The following FHDC1 variants were observed in gnomAD, a reference collection of about 807,000 sequenced individuals.
FHDC1 encodes the protein FH2 domain-containing protein 1.
A neutral mutation model predicts 52.6 loss-of-function variants in FHDC1; 25 were observed. The ratio of observed to expected loss-of-function variants is 0.48; its 90% CI spans 0.35 to 0.66. The LOEUF is 0.66. FHDC1 is among the 30% of genes least tolerant of loss of function. FHDC1 has a pLI of 0.01. For missense variants in FHDC1, 1,459 were observed against 1,452.8 expected, an observed-to-expected ratio of 1.00 and a Z score of -0.07; for synonymous variants, 616 against 581.5, an observed-to-expected ratio of 1.06 and a Z score of -0.85.
At position 152,975,331 on chromosome 4, in the gene FHDC1, C is replaced by G; in HGVS notation, c.2040C>G (p.Ala680=). The G allele has an allele frequency of 2.5e-6, 4 of 1,613,664 alleles. No homozygotes were observed. Among genetic ancestry groups the G allele is most frequent in the Non-Finnish European group, 3.4e-6 (4 of 1,180,034 alleles). The change falls in exon 12 of 12, where the codon GCC becomes GCG. Residue 680 remains alanine (A), a synonymous_variant. Transcript: ENST00000511601. ...AGCATGAGCTGGTGACAGGGCTGGCCCAGTTCAACCTCCAGGGTTCCCAGG... is the reference window on the plus strand; with the variant it reads ...AGCATGAGCTGGTGACAGGGCTGGCGCAGTTCAACCTCCAGGGTTCCCAGG... ...IKEHELVTGL[A]QFNLQGSQGM...
rs890664249 is a variant in FHDC1 at position 152,978,485 on chromosome 4, T to C, written c.*1762T>C. ...AAGCATGAAATTGCTTTCAGAAGAA[T>C]GTATATCATCGGGAAAAGTTCGGGG... On this transcript the variant is annotated 3_prime_UTR_variant, in exon 12 of 12. Coordinates refer to ENST00000511601, the MANE Select transcript of FHDC1 (RefSeq NM_001371116.1). 7.2e-5 allele frequency: 11 copies of C among 152,152 alleles called. No individual in the cohort carries two copies. Among genetic ancestry groups the C allele is most frequent in the African/African-American group, 2.2e-4 (9 of 41,422 alleles). 9.4% of individuals were successfully genotyped at this position (152,152 alleles called of 1,614,324 possible). A position where few individuals can be genotyped will look rare whatever the true frequency, so the allele number is the denominator to read the frequency against.
intron 2 of FHDC1, among the ~76,000 whole-genome samples, chr4:152,948,950 A>C (rs184668722): frequency 4.6e-5 from 7 of 151,964 alleles, no homozygotes; most frequent in Non-Finnish European, 8.8e-5. Context: ...TTAGCCAGAC[A>C]TGGTGGCTCG....
intron 2 of FHDC1, among the ~76,000 whole-genome samples, chr4:152,943,947 T>A (rs117628278): frequency 6.6e-6 from 1 of 152,354 alleles, no homozygotes; most frequent in East Asian, 1.9e-4. Context: ...TAGAGCTGAC[T>A]GGGGCAGACT....
chr4:152,940,480 C>T (rs1739545626), intron 1 of FHDC1, among the ~76,000 whole-genome samples: 1 of 152,214 alleles, frequency 6.6e-6, no homozygotes, highest in African/African-American at 2.4e-5. Flanking sequence ...GTGCAAAGCA[C>T]AGTACTAAAA....
chr4:152,953,944 T>C (rs1740002558), intron 3 of FHDC1, among the ~76,000 whole-genome samples: 1 of 152,220 alleles, frequency 6.6e-6, no homozygotes, highest in Non-Finnish European at 1.5e-5. Flanking sequence ...ATTATTTTTC[T>C]CACAACAAAA....
Position 152,976,684 on chromosome 4 carries a change from G to T in FHDC1, c.3393G>T (p.Arg1131=). Residue 1131 remains arginine (R), a synonymous_variant, in exon 12 of 12, where the codon CGG becomes CGT. Transcript: ENST00000511601. ...RASLRRKDSS[R]TTLGRILNPL... Reference sequence around the variant, plus strand: ...CCCTCCGTCGGAAGGACTCCAGTCGGACCACGCTGGGGAGAATCCTCAATC... The same window carrying T: ...CCCTCCGTCGGAAGGACTCCAGTCGTACCACGCTGGGGAGAATCCTCAATC... 1 of 1,534,638 alleles carries T rather than the reference G, an allele frequency of 6.5e-7. No homozygotes were observed. The highest frequency in any genetic ancestry group is 1.2e-5 in the South Asian group (1 of 81,138).
intron 11 of FHDC1, among the ~76,000 whole-genome samples, chr4:152,972,957 C>CG (rs1740685496): frequency 1.3e-5 from 2 of 152,322 alleles, no homozygotes; most frequent in Non-Finnish European, 2.9e-5. Flanking sequence ...GATGATGGAA[C>CG]GGCCCTCCCT....
intron 11 of FHDC1, among the ~76,000 whole-genome samples, 185 bp from the exon 12 acceptor site, chr4:152,974,490 A>G (rs1740774650): frequency 6.6e-6 from 1 of 152,004 alleles, no homozygotes; most frequent in African/African-American, 2.4e-5. Context: ...CCCTCTACAC[A>G]CACACACATG....
In FHDC1 at chr4:152,976,784, A is replaced by G; in HGVS notation, c.*61A>G. On this transcript the variant is annotated 3_prime_UTR_variant, in exon 12 of 12. Transcript: ENST00000511601. ...ACGGTGAAGACTGACTTCTGGGACG[A>G]GGATGGGGAAAGAGGCAGCATGTCT... The G allele has an allele frequency of 4.2e-6, 6 of 1,441,816 alleles. No individual in the cohort carries two copies. The highest frequency in any genetic ancestry group is 4.1e-4 in the Middle Eastern group (2 of 4,892). The allele number at this position is 1,441,816 out of a possible 1,614,324, so 89.3% of individuals were successfully genotyped here.
In FHDC1 at chr4:152,960,864, T is replaced by A; in HGVS notation, c.850+20T>A. On this transcript the variant is annotated intron_variant, in intron 6 of 11. Coordinates refer to ENST00000511601, the MANE Select transcript of FHDC1 (RefSeq NM_001371116.1). ...TAAAAGGTGAGTCAACATATGATCCTTCGCAGAATTTGTTTTTATTAATTT... is the reference window on the plus strand; with the variant it reads ...TAAAAGGTGAGTCAACATATGATCCATCGCAGAATTTGTTTTTATTAATTT... The A allele has an allele frequency of 6.6e-7, 1 of 1,517,878 alleles. No homozygotes were observed. Among genetic ancestry groups the A allele is most frequent in the Non-Finnish European group, 8.9e-7 (1 of 1,127,722 alleles). The allele number at this position is 1,517,878 out of a possible 1,614,324, so 94.0% of individuals were successfully genotyped here.
At chr4:152,915,048 TCTC>T in the FHDC1 span, among the ~76,000 whole-genome samples, 4 of 152,180 alleles carry the variant, frequency 2.6e-5, no homozygotes, top group African/African-American at 9.7e-5. Context: ...TTACTGTTAT[TCTC>T]CTCCTAAATG....
intron 10 of FHDC1, 121 bp from the exon 11 acceptor site, chr4:152,972,256 C>A: frequency 9.8e-7 from 1 of 1,018,572 alleles, no homozygotes; most frequent in Non-Finnish European, 1.4e-6. Context: ...AATAAACCTT[C>A]CTTTTCCAAG....
At position 152,976,554 on chromosome 4, in the gene FHDC1, G is replaced by A. The variant is rs374152732; in HGVS notation, c.3263G>A (p.Arg1088Gln). 11 of 1,612,720 alleles carry A rather than the reference G, an allele frequency of 6.8e-6. No individual in the cohort carries two copies. In the African/African-American group the frequency reaches 1.2e-4, roughly 18 times the overall value. Residue 1088 changes from arginine to glutamine, a missense_variant, in exon 12 of 12, where the codon CGA (arginine) becomes CAA (glutamine). Physicochemically the swap from Arg to Gln is conservative, Grantham distance 43 (BLOSUM62 1). Transcript: ENST00000511601. ...CCCAAGGACAGCAGCACTTTGAGGC[G>A]AGCCAGCAGTGCCCGGGCCCCCAAG... is the stretch of plus-strand genomic sequence containing the variant. The part of the protein sequence containing the change: ...AAPKDSSTLR[R>Q]ASSARAPKKR...
the FHDC1 span, among the ~76,000 whole-genome samples, chr4:152,924,777 G>A: frequency 2.0e-5 from 3 of 147,440 alleles, no homozygotes; most frequent in Admixed American, 2.1e-4. Flanking sequence ...ACCAAACACC[G>A]CATATTCTCA....
chr4:152,975,035 AC>A lies in FHDC1; in HGVS notation c.1745del (p.Thr582ArgfsTer2), dbSNP rs1340138000. On this transcript the variant is annotated frameshift_variant, in exon 12 of 12. Coordinates refer to ENST00000511601, the MANE Select transcript of FHDC1 (RefSeq NM_001371116.1). LOFTEE classifies it low-confidence loss of function (END_TRUNC). Reference protein sequence around the residue: ...PRSSPRQARPTIACLEPAEVR... With the variant: ...PRSSPRQARPXIACLEPAEVR... ...GAGCAGCCCCCGGCAGGCCCGGCCC[AC>A]GATAGCCTGCCTGGAGCCTGCAGAA... 2.5e-6 allele frequency: 4 copies of A among 1,612,480 alleles called. No individual in the cohort carries two copies. Among genetic ancestry groups the A allele is most frequent in the Non-Finnish European group, 3.4e-6 (4 of 1,179,768 alleles).
chr4:152,950,753 A>G (rs995034821), intron 2 of FHDC1, among the ~76,000 whole-genome samples: 1 of 152,218 alleles, frequency 6.6e-6, no homozygotes, highest in Non-Finnish European at 1.5e-5. Context: ...ATCTGTCCCC[A>G]TTCCTGGAGA....
the FHDC1 span, among the ~76,000 whole-genome samples, chr4:152,921,436 T>G: frequency 6.6e-6 from 1 of 152,152 alleles, no homozygotes; most frequent in African/African-American, 2.4e-5. Context: ...AGATTACTTA[T>G]GAAAACTGTG....
intron 2 of FHDC1, among the ~76,000 whole-genome samples, chr4:152,950,715 G>A (rs1739899786): frequency 6.6e-6 from 1 of 152,180 alleles, no homozygotes; most frequent in Admixed American, 6.5e-5. Context: ...CAGGGGACTT[G>A]GCCAGGCACA....
At chr4:152,954,907 T>TA (rs1482583322) in intron 4 of FHDC1, among the ~76,000 whole-genome samples, 1 of 152,134 alleles carries the variant, frequency 6.6e-6, no homozygotes, top group Admixed American at 6.5e-5. Context: ...TCCTCACCTG[T>TA]AAAGGGAGGA....
Sources: gnomAD v4.1 joint callset for allele counts (sites outside exome capture counted in the v4.1 genomes callset) on GRCh38, gnomAD v4.1.1 for gene constraint, MANE v1.5 for transcripts, NCBI Gene and HGNC (gene_info 2026-07-23, HGNC 2026-07-21) for gene names.